The following NRXN3 variants were observed in gnomAD, a reference collection of about 807,000 sequenced individuals.
The protein encoded by NRXN3 is neurexin III.
A neutral mutation model predicts 137.6 loss-of-function variants in NRXN3; 32 were observed. The ratio of observed to expected loss-of-function variants is 0.23; its 90% confidence interval spans 0.18 to 0.31. The LOEUF (loss-of-function observed/expected upper bound fraction) is 0.31, where lower values mean the gene tolerates loss of function less well. NRXN3 is among the 10% of genes least tolerant of loss of function. The pLI is 1.00. For missense variants in NRXN3, 1,574 were observed against 2,062.5 expected (o/e 0.76, Z 4.59); for synonymous variants, 798 against 784.5 (o/e 1.02, Z -0.29).
chr14:79,508,407 A>ATTTTTTTTTTTTTTTTTT (rs1567329223), intron 16 of NRXN3, among the ~76,000 whole-genome samples: 12 of 58,574 alleles, frequency 2.0e-4, no homozygotes, highest in African/African-American at 7.0e-4. Context: ...TTTTTTTTTT[A>ATTTTTTTTTTTTTTTTTT]AGACAGAGTC....
chr14:78,205,104 C>T (rs1306122443), intron 1 of NRXN3, among the ~76,000 whole-genome samples: 4 of 152,200 alleles, frequency 2.6e-5, no homozygotes, highest in Non-Finnish European at 4.4e-5. Context: ...GAACATGCCA[C>T]CCAAGGTACC....
At chr14:78,868,620 G>C (rs2099093382) in intron 10 of NRXN3, among the ~76,000 whole-genome samples, 1 of 151,972 alleles carries the variant, frequency 6.6e-6, no homozygotes, top group Non-Finnish European at 1.5e-5. Flanking sequence ...AGGAGTTTGA[G>C]ACCAGCCTGA....
At chr14:78,733,431 A>G (rs1307421653) in intron 8 of NRXN3, among the ~76,000 whole-genome samples, 1 of 152,190 alleles carries the variant, frequency 6.6e-6, no homozygotes, top group African/African-American at 2.4e-5. Context: ...TGCCTAGTCT[A>G]TGTAGCCATT....
chr14:79,080,813 C>A (rs933762995), intron 15 of NRXN3, among the ~76,000 whole-genome samples: 1 of 152,118 alleles, frequency 6.6e-6, no homozygotes, highest in Non-Finnish European at 1.5e-5. Context: ...TTTGTTTTGC[C>A]TCTTTTTCTT....
At chr14:78,820,795 G>A (rs2098948556) in intron 10 of NRXN3, among the ~76,000 whole-genome samples, 1 of 152,162 alleles carries the variant, frequency 6.6e-6, no homozygotes. Context: ...TATTGCAGTA[G>A]AAAAGTATTA....
At chr14:78,465,890 G>C (rs2095090368) in intron 4 of NRXN3, among the ~76,000 whole-genome samples, 1 of 143,618 alleles carries the variant, frequency 7.0e-6, no homozygotes, top group Non-Finnish European at 1.5e-5. Context: ...CTTGCTCTGT[G>C]ACCCAGACTG....
chr14:79,185,486 G>C (rs1446332896), intron 15 of NRXN3, among the ~76,000 whole-genome samples: 1 of 85,322 alleles, frequency 1.2e-5, no homozygotes, highest in East Asian at 2.8e-4. Context: ...TTTTTTTTTA[G>C]ATGGAGTCTT....
chr14:78,496,692 C>T (rs577006418), intron 4 of NRXN3, among the ~76,000 whole-genome samples: 2 of 151,834 alleles, frequency 1.3e-5, no homozygotes, highest in South Asian at 2.1e-4. Flanking sequence ...TAGGAGAATA[C>T]CAAGCTGAGC....
chr14:78,942,862 C>G (rs545660439), intron 10 of NRXN3, among the ~76,000 whole-genome samples: 1 of 152,106 alleles, frequency 6.6e-6, no homozygotes, highest in South Asian at 2.1e-4. Context: ...ATCAAAACAT[C>G]ACTATGTACC....
chr14:79,279,260 C>G, intron 15 of NRXN3: 1 of 805,608 alleles, frequency 1.2e-6, no homozygotes, highest in Non-Finnish European at 1.5e-6. Flanking sequence ...GCTCTGGCCC[C>G]TCCTTCCTCC....
At chr14:79,441,234 A>T (rs1239390446) in intron 15 of NRXN3, among the ~76,000 whole-genome samples, 1 of 152,078 alleles carries the variant, frequency 6.6e-6, no homozygotes, top group Admixed American at 6.5e-5. Context: ...GGTAGCAAAG[A>T]GTAGCAAAGA....
At chr14:79,385,793 G>A (rs888961614) in intron 15 of NRXN3, among the ~76,000 whole-genome samples, 1 of 152,084 alleles carries the variant, frequency 6.6e-6, no homozygotes, top group Non-Finnish European at 1.5e-5. Flanking sequence ...ATGCAAGGCT[G>A]GTTAAACATA....
intron 4 of NRXN3, among the ~76,000 whole-genome samples, chr14:78,363,855 G>C (rs531912357): frequency 6.6e-6 from 1 of 152,190 alleles, no homozygotes; most frequent in Admixed American, 6.5e-5. Context: ...ATGCTCATCA[G>C]ATAAAATGCT....
intron 1 of NRXN3, among the ~76,000 whole-genome samples, chr14:78,213,779 C>T (rs752049353): frequency 6.6e-6 from 1 of 151,954 alleles, no homozygotes; most frequent in Non-Finnish European, 1.5e-5. Context: ...GAGGGCCAGG[C>T]CACCCAGAGA....
intron 19 of NRXN3, among the ~76,000 whole-genome samples, chr14:79,702,898 C>G (rs2098760513): frequency 6.7e-6 from 1 of 149,542 alleles, no homozygotes; most frequent in Non-Finnish European, 1.5e-5. Flanking sequence ...AGTCTTTTAC[C>G]TTATGTCTCC....
At chr14:78,418,807 C>G (rs1170849789) in intron 4 of NRXN3, among the ~76,000 whole-genome samples, 1 of 152,158 alleles carries the variant, frequency 6.6e-6, no homozygotes, top group African/African-American at 2.4e-5. Flanking sequence ...ACCTGGCTTA[C>G]TTCATTTCAA....
chr14:79,690,729 C>T (rs182843660), intron 17 of NRXN3, among the ~76,000 whole-genome samples: 3 of 152,174 alleles, frequency 2.0e-5, no homozygotes, highest in East Asian at 3.9e-4. Flanking sequence ...CCTATACCCC[C>T]ACCCTCACAA....
intron 3 of NRXN3, among the ~76,000 whole-genome samples, chr14:78,295,960 G>T (rs1452830978): frequency 6.6e-6 from 1 of 151,758 alleles, no homozygotes; most frequent in African/African-American, 2.4e-5. Flanking sequence ...TTAATCTCAG[G>T]GGTAAAATGT....
intron 15 of NRXN3, among the ~76,000 whole-genome samples, chr14:79,250,248 G>C (rs2075752039): frequency 6.6e-6 from 1 of 152,136 alleles, no homozygotes; most frequent in South Asian, 2.1e-4. Context: ...AATATAATTG[G>C]ACTACAGAGA....
Sources: gnomAD v4.1 joint callset for allele counts (sites outside exome capture counted in the v4.1 genomes callset) on GRCh38, gnomAD v4.1.1 for gene constraint, MANE v1.5 for transcripts, NCBI Gene and HGNC (gene_info 2026-07-23, HGNC 2026-07-21) for gene names.